SF3B2: variants seen among roughly 807,000 people sequenced by gnomAD.
SF3B2 encodes the protein splicing factor 3b subunit 2.
SF3B2 carries 22 observed loss-of-function variants against 116.3 expected under a neutral mutation model. The ratio of observed to expected loss-of-function variants is 0.19; its 90% CI spans 0.14 to 0.27. The LOEUF (loss-of-function observed/expected upper bound fraction) is 0.27. SF3B2 is among the 10% of genes least tolerant of loss of function. SF3B2 has a pLI of 1.00. For synonymous variants in SF3B2, 406 were observed against 421.6 expected (o/e 0.96, Z 0.45); for missense variants, 767 against 1,151.4 (o/e 0.67, Z 4.83).
chr11:66,064,174 T>TTGACCCCTTTATCATGAAA (rs1857141278), intron 19 of SF3B2, among the ~76,000 whole-genome samples: 1 of 152,260 alleles, frequency 6.6e-6, no homozygotes, highest in Non-Finnish European at 1.5e-5. Flanking sequence ...TCTTCATGAA[T>TTGACCCCTTTATCATGAAA]TGACCCCTTT....
chr11:66,067,257 C>T, intron 19 of SF3B2: 1 of 369,378 alleles, frequency 2.7e-6, no homozygotes, highest in Non-Finnish European at 5.3e-6. Flanking sequence ...GGTAAGGGAC[C>T]AGGCTATGAA....
chr11:66,052,849 T>A, intron 2 of SF3B2, 130 bp downstream of exon 2: 2 of 1,275,788 alleles, frequency 1.6e-6, no homozygotes, highest in Non-Finnish European at 2.2e-6. Flanking sequence ...CTTTTTAGCT[T>A]GTTCTTGCCT....
chr11:66,057,042 A>C lies in SF3B2; in HGVS notation c.667+87A>C. ...TTTAAGGTATCTATCACATTTAAAA[A>C]GGGCATATATAGTAAATATATAGTT... is the stretch of plus-strand genomic sequence containing the variant. On this transcript the variant is annotated intron_variant, in intron 6 of 21. Transcript: ENST00000322535. 8 of 1,001,054 alleles carry C rather than the reference A, an allele frequency of 8.0e-6. No individual in the cohort carries two copies. The South Asian group carries it at 9.1e-5, about 11-fold the overall frequency. 62.0% of individuals were successfully genotyped at this position (1,001,054 alleles called of 1,614,324 possible).
Position 66,056,897 on chromosome 11 carries a change from C to T in SF3B2, c.609C>T (p.Val203=), listed in dbSNP as rs1185310560. 6.2e-7 allele frequency: 1 copy of T among 1,614,140 alleles called. No individual in the cohort carries two copies. Among genetic ancestry groups the T allele is most frequent in the East Asian group, 2.2e-5 (1 of 44,886 alleles). ...QQEIAKMGTP[V]PRPPQDMGQI... ...AGATTGCCAAGATGGGCACCCCAGT[C>T]CCTCGGCCCCCACAAGACATGGGCC... The change falls in exon 6 of 22, where the codon GTC becomes GTT. Residue 203 remains valine, a synonymous_variant. Coordinates refer to ENST00000322535, the MANE Select transcript of SF3B2 (RefSeq NM_006842.3).
In SF3B2 at chr11:66,061,778, G is replaced by T; in HGVS notation, c.1869+3G>T. On this transcript the variant is annotated splice_donor_region_variant and intron_variant, in intron 15 of 21. Coordinates refer to ENST00000322535, the MANE Select transcript of SF3B2 (RefSeq NM_006842.3). ...CCTTGGGGATGCCAGTAGGACCAGTGAGTGTCAGTTAGCTGTCTGGGGAAG... is the reference window on the plus strand; with the variant it reads ...CCTTGGGGATGCCAGTAGGACCAGTTAGTGTCAGTTAGCTGTCTGGGGAAG... 1 of 1,613,306 alleles carries T rather than the reference G, an allele frequency of 6.2e-7. No individual in the cohort carries two copies. Among genetic ancestry groups the T allele is most frequent in the Non-Finnish European group, 8.5e-7 (1 of 1,179,186 alleles).
Position 66,058,309 on chromosome 11 carries a change from T to C in SF3B2, c.875-5T>C. On this transcript the variant is annotated splice_polypyrimidine_tract_variant and splice_region_variant and intron_variant, in intron 8 of 21. Coordinates refer to ENST00000322535, the MANE Select transcript of SF3B2 (RefSeq NM_006842.3). Reference sequence around the variant, plus strand: ...GAAGACTCATCACCACCTTCTTCCTTACAGAGGAAGAGGAAATGGAAACAG... The same window carrying C: ...GAAGACTCATCACCACCTTCTTCCTCACAGAGGAAGAGGAAATGGAAACAG... The C allele has an allele frequency of 2.5e-6, 4 of 1,610,908 alleles. No individual in the cohort carries two copies. The highest frequency in any genetic ancestry group is 3.4e-6 in the Non-Finnish European group (4 of 1,177,260).
chr11:66,059,789 C>T lies in SF3B2; in HGVS notation c.1409C>T (p.Ala470Val). 6.2e-7 allele frequency: 1 copy of T among 1,614,194 alleles called. No individual in the cohort carries two copies. Reference sequence around the variant, plus strand: ...TTACTATGTGTTTTCCAGCTGGTGGCTCGGCCCGATGTCGTGGAGATGCAC... The same window carrying T: ...TTACTATGTGTTTTCCAGCTGGTGGTTCGGCCCGATGTCGTGGAGATGCAC... Reference protein sequence around the residue: ...FTVAELKQLVARPDVVEMHDV... With the variant: ...FTVAELKQLVVRPDVVEMHDV... Residue 470 changes from alanine to valine, a missense_variant, in exon 13 of 22, where the codon GCT becomes GTT. Transcript: ENST00000322535. The surrounding 1 kb of genome is among the most constrained non-coding windows in gnomAD (Gnocchi z 5.0).
intron 19 of SF3B2, chr11:66,064,580 G>A (rs1418066524): frequency 6.6e-6 from 1 of 152,150 alleles, no homozygotes; most frequent in East Asian, 1.9e-4. Context: ...CATGCATGAA[G>A]CCATGTAGTT....
At chr11:66,053,658 G>A (rs1396129358) in intron 3 of SF3B2, 1 of 148,990 alleles carries the variant, frequency 6.7e-6, no homozygotes, top group Non-Finnish European at 1.5e-5. Flanking sequence ...TCCATCCTGG[G>A]TGACAGAATG....
rs769228838 is a variant in SF3B2 at position 66,059,507 on chromosome 11, T to G, written c.1321-8T>G. ...TCCTGCTTAAAAGGGCTGATTGTTC[T>G]GTTCTAGGAAAAGAAGCCAGAAGCC... On this transcript the variant is annotated splice_polypyrimidine_tract_variant and splice_region_variant and intron_variant, in intron 11 of 21. Transcript: ENST00000322535. This position sits in a 1 kb window ranked among gnomAD's most constrained non-coding sequence, Gnocchi z 5.0. 36 of 1,613,944 alleles carry G rather than the reference T, an allele frequency of 2.2e-5. No homozygotes were observed. Among genetic ancestry groups the G allele is most frequent in the Middle Eastern group, 1.6e-4 (1 of 6,084 alleles).
rs1396045677 is a variant in SF3B2, at chr11:66,068,668, A to G, written c.2617-6A>G. The G allele has an allele frequency of 5.0e-6, 8 of 1,613,666 alleles. No homozygotes were observed. Among genetic ancestry groups the G allele is most frequent in the Admixed American group, 1.7e-5 (1 of 59,976 alleles). On this transcript the variant is annotated splice_polypyrimidine_tract_variant and splice_region_variant and intron_variant, in intron 21 of 21. Coordinates refer to ENST00000322535, the MANE Select transcript of SF3B2 (RefSeq NM_006842.3). ...TCTTAACCTGTGTCTCTTTCTCCCT[A>G]TACAGCAAAAAAAACGGAAAGCTCA...
chr11:66,059,329 TGAC>T lies in SF3B2; in HGVS notation c.1314_1316del (p.Asp438del). On this transcript the variant is annotated inframe_deletion, in exon 11 of 22. Coordinates refer to ENST00000322535, the MANE Select transcript of SF3B2 (RefSeq NM_006842.3). The surrounding 1 kb of genome is among the most constrained non-coding windows in gnomAD (Gnocchi z 5.0). Reference sequence around the variant, plus strand: ...AGGACAGTGATGATGACAGCAGTGATGACGAGCAGGTCAGGCCCAGCCCTCCTG... The same window carrying T: ...AGGACAGTGATGATGACAGCAGTGATGAGCAGGTCAGGCCCAGCCCTCCTG... The T allele has an allele frequency of 6.2e-7, 1 of 1,613,872 alleles. No homozygotes were observed. Among genetic ancestry groups the T allele is most frequent in the Non-Finnish European group, 8.5e-7 (1 of 1,179,944 alleles).
intron 6 of SF3B2, 72 bp downstream of exon 6, chr11:66,057,027 C>CT: frequency 8.6e-7 from 1 of 1,167,990 alleles, no homozygotes; most frequent in Non-Finnish European, 1.3e-6. Flanking sequence ...TTTAAGGTAT[C>CT]TATCACATTT....
chr11:66,061,821 G>A, intron 15 of SF3B2, 46 bp downstream of exon 15: 2 of 1,604,990 alleles, frequency 1.2e-6, no homozygotes, highest in African/African-American at 2.7e-5. Flanking sequence ...GAGGCTGGTG[G>A]GGATTGGAGT....
rs767815921 is a variant in SF3B2, at chr11:66,059,358, G to C, written c.1320+20G>C. On this transcript the variant is annotated intron_variant, in intron 11 of 21. Transcript: ENST00000322535. The surrounding 1 kb of genome is among the most constrained non-coding windows in gnomAD (Gnocchi z 5.0). ...GAGCAGGTCAGGCCCAGCCCTCCTGGTGGGAAGCAGGGACTCTGGGCACAG... is the reference window on the plus strand; with the variant it reads ...GAGCAGGTCAGGCCCAGCCCTCCTGCTGGGAAGCAGGGACTCTGGGCACAG... The C allele has an allele frequency of 5.6e-6, 9 of 1,613,630 alleles. No individual in the cohort carries two copies.
At chr11:66,052,575 T>G (rs1856899574) in intron 1 of SF3B2, 58 bp downstream of exon 1, 7 of 1,594,898 alleles carry the variant, frequency 4.4e-6, no homozygotes, top group Non-Finnish European at 6.0e-6. Context: ...CGGAGCCTGG[T>G]TACCCGGGAG....
At chr11:66,063,794 G>A (rs1421791797) in intron 19 of SF3B2, 65 bp downstream of exon 19, 3 of 1,305,930 alleles carry the variant, frequency 2.3e-6, no homozygotes, top group Admixed American at 2.6e-5. Context: ...CTGGCTGACT[G>A]TTGTTCCTTT....
Position 66,068,498 on chromosome 11 carries a change from C to CT in SF3B2, c.2616+168dup, listed in dbSNP as rs1857229539. ...TAGAAATCCTCCAGTGGGCTGCCCT[C>CT]TTTAAGGACGATGAGGGGGAGGAAC... On this transcript the variant is annotated intron_variant, in intron 21 of 21. Coordinates refer to ENST00000322535, the MANE Select transcript of SF3B2 (RefSeq NM_006842.3). 4.5e-6 allele frequency: 4 copies of CT among 892,490 alleles called. No individual in the cohort carries two copies. The African/African-American group carries it at 6.8e-5, about 15-fold the overall frequency. 55.3% of individuals were successfully genotyped at this position (892,490 alleles called of 1,614,324 possible).
Position 66,058,320 on chromosome 11 carries a change from A to G in SF3B2, c.881A>G (p.Glu294Gly). The G allele has an allele frequency of 1.2e-6, 2 of 1,613,984 alleles. No homozygotes were observed. Among genetic ancestry groups the G allele is most frequent in the Non-Finnish European group, 1.7e-6 (2 of 1,179,972 alleles). ...ACCACCTTCTTCCTTACAGAGGAAG[A>G]GGAAATGGAAACAGATGCTCGCTCG... ...QEEMNSQQEE[E>G]EMETDARSSL... Residue 294 changes from glutamate to glycine, a missense_variant, in exon 9 of 22, where the codon GAG (glutamate) becomes GGG (glycine). Physicochemically the swap from Glu to Gly is moderately conservative, Grantham distance 98 (BLOSUM62 -2). Transcript: ENST00000322535.
Sources: allele counts gnomAD v4.1 joint callset (sites outside exome capture counted in the v4.1 genomes callset), GRCh38; gene constraint gnomAD v4.1.1; non-coding constraint Gnocchi (gnomAD v3.1); transcripts MANE v1.5; gene names NCBI Gene and HGNC (gene_info 2026-07-23, HGNC 2026-07-21).